The following NCAM2 variants were observed in gnomAD, a reference collection of about 807,000 sequenced individuals.
NCAM2 encodes neural cell adhesion molecule 2, also known as N-CAM-2.
In NCAM2, 30 loss-of-function variants were observed where a neutral mutation model predicts 98.1. The observed-to-expected ratio is 0.31, with a 90% CI of 0.23 to 0.41. NCAM2 has a LOEUF of 0.41. Ranked by LOEUF, NCAM2 falls within the 10% of genes least tolerant of loss-of-function variation. NCAM2 has a pLI of 1.00. For synonymous variants in NCAM2, 368 were observed against 342.4 expected (o/e 1.07, Z -0.83); for missense variants, 867 against 1,005.8 (o/e 0.86, Z 1.87).
At chr21:21,187,179 G>A (rs189163696) in intron 1 of NCAM2, among the ~76,000 whole-genome samples, 1 of 152,008 alleles carries the variant, frequency 6.6e-6, no homozygotes, top group African/African-American at 2.4e-5. Flanking sequence ...AGCCAAGATA[G>A]CGTCACTGCA....
chr21:21,469,372 A>ACTAT (rs35058982), intron 14 of NCAM2, among the ~76,000 whole-genome samples: 31,891 of 151,792 alleles, frequency 0.21, 3,406 homozygotes, highest in East Asian at 0.3. Context: ...ATAGAGTGAC[A>ACTAT]CTATGGACAA....
At chr21:21,388,572 G>A (rs960400647) in intron 9 of NCAM2, among the ~76,000 whole-genome samples, 4 of 152,122 alleles carry the variant, frequency 2.6e-5, no homozygotes, top group Admixed American at 1.3e-4. Flanking sequence ...TGTCCAGTCC[G>A]GCAGCCACTT....
intron 12 of NCAM2, among the ~76,000 whole-genome samples, chr21:21,450,284 A>G (rs1175731363): frequency 6.6e-6 from 1 of 151,802 alleles, no homozygotes; most frequent in South Asian, 2.1e-4. Flanking sequence ...CTATTTTAAT[A>G]TATGCGTGTG....
intron 9 of NCAM2, among the ~76,000 whole-genome samples, chr21:21,375,466 T>C (rs745944625): frequency 7.8e-4 from 119 of 151,816 alleles, no homozygotes; most frequent in Non-Finnish European, 1.4e-3. Context: ...TCCATCACAC[T>C]TTCTAAAAAA....
At chr21:21,349,747 G>A (rs55684644) in intron 8 of NCAM2, among the ~76,000 whole-genome samples, 24,870 of 152,164 alleles carry the variant, frequency 0.16, 2,369 homozygotes, top group Middle Eastern at 0.3. Flanking sequence ...GCCCTAAAAA[G>A]AATGAGATCC....
chr21:21,147,940 G>T (rs1194972422), intron 1 of NCAM2, among the ~76,000 whole-genome samples: 1 of 151,666 alleles, frequency 6.6e-6, no homozygotes, highest in Non-Finnish European at 1.5e-5. Flanking sequence ...AAAGTGAAAA[G>T]CCAGTGCTGT....
At chr21:21,327,213 CAGG>C (rs998345501) in intron 6 of NCAM2, among the ~76,000 whole-genome samples, 1 of 143,750 alleles carries the variant, frequency 7.0e-6, no homozygotes, top group Non-Finnish European at 1.5e-5. Context: ...GAGGCTGAAG[CAGG>C]AGAATAGCTT....
intron 1 of NCAM2, among the ~76,000 whole-genome samples, chr21:21,198,991 T>G (rs2069111932): frequency 6.6e-6 from 1 of 152,180 alleles, no homozygotes; most frequent in African/African-American, 2.4e-5. Context: ...CTGTTCTGGT[T>G]TGCTGGAACA....
intron 1 of NCAM2, among the ~76,000 whole-genome samples, chr21:21,110,592 C>T (rs535507875): frequency 9.3e-5 from 14 of 150,750 alleles, no homozygotes; most frequent in African/African-American, 3.2e-4. Context: ...TCATACAAGG[C>T]ATTCCCTGGT....
At chr21:21,050,277 A>G (rs1480454271) in intron 1 of NCAM2, among the ~76,000 whole-genome samples, 2 of 152,216 alleles carry the variant, frequency 1.3e-5, no homozygotes. Flanking sequence ...TGGAGAAACT[A>G]TCATTTTAGA....
At chr21:21,077,385 A>G (rs547833391) in intron 1 of NCAM2, among the ~76,000 whole-genome samples, 1 of 152,282 alleles carries the variant, frequency 6.6e-6, no homozygotes, top group East Asian at 1.9e-4. Context: ...TAAACCTTGA[A>G]GGATAATTGA....
chr21:21,358,609 T>C (rs190934269), intron 8 of NCAM2, among the ~76,000 whole-genome samples: 153 of 152,214 alleles, frequency 1.0e-3, no homozygotes, highest in Admixed American at 2.6e-3. Context: ...TTAGTTCATA[T>C]GACTCATGTC....
chr21:21,229,353 A>G (rs140069717), intron 1 of NCAM2, among the ~76,000 whole-genome samples: 4 of 151,678 alleles, frequency 2.6e-5, no homozygotes, highest in Non-Finnish European at 5.9e-5. Context: ...TGTCAAAATT[A>G]TATTCGAAAT....
At chr21:21,443,275 G>C (rs73214496) in intron 12 of NCAM2, among the ~76,000 whole-genome samples, 20,645 of 152,036 alleles carry the variant, frequency 0.14, 1,420 homozygotes, top group Middle Eastern at 0.14. Context: ...GGGGACTGCC[G>C]AGGGGTGGGA....
At chr21:21,056,720 A>T (rs973249565) in intron 1 of NCAM2, among the ~76,000 whole-genome samples, 1 of 152,094 alleles carries the variant, frequency 6.6e-6, no homozygotes, top group Non-Finnish European at 1.5e-5. Context: ...TACAACCATG[A>T]AATTGTTGCT....
At chr21:21,047,116 C>G (rs112107895) in intron 1 of NCAM2, among the ~76,000 whole-genome samples, 6 of 151,952 alleles carry the variant, frequency 3.9e-5, no homozygotes, top group Non-Finnish European at 7.4e-5. Flanking sequence ...TATGCAATTA[C>G]TAGTGAAATA....
At chr21:21,254,829 C>T (rs955231755) in intron 1 of NCAM2, among the ~76,000 whole-genome samples, 2 of 151,950 alleles carry the variant, frequency 1.3e-5, no homozygotes, top group Non-Finnish European at 1.5e-5. Context: ...GTTTATGGCA[C>T]AACAGATGTG....
At chr21:21,466,787 G>T in intron 13 of NCAM2, 62 bp downstream of exon 13, 2 of 1,496,298 alleles carry the variant, frequency 1.3e-6, no homozygotes, top group Non-Finnish European at 1.8e-6. Flanking sequence ...AAATTTAATA[G>T]ATTTTAAAAT....
chr21:21,536,985 A>G (rs978710714), intron 17 of NCAM2, among the ~76,000 whole-genome samples: 1 of 152,200 alleles, frequency 6.6e-6, no homozygotes, highest in African/African-American at 2.4e-5. Context: ...AAAAGAAAAC[A>G]TATACAATAA....
Sources: allele counts gnomAD v4.1 joint callset (sites outside exome capture counted in the v4.1 genomes callset), GRCh38; gene constraint gnomAD v4.1.1; transcripts MANE v1.5; gene names NCBI Gene and HGNC (gene_info 2026-07-23, HGNC 2026-07-21).